The following ELAVL4 variants were observed in gnomAD, a reference collection of about 807,000 sequenced individuals.
The protein encoded by ELAVL4 is ELAV like RNA binding protein 4, also known as ELAV-like protein 4.
Under a neutral mutation model 35.6 loss-of-function variants are expected in ELAVL4, and 1 was observed. The ratio of observed to expected loss-of-function variants is 0.03; its 90% confidence interval spans 0.01 to 0.13. The LOEUF (loss-of-function observed/expected upper bound fraction) is 0.13. Ranked by LOEUF, ELAVL4 falls within the 10% of genes least tolerant of loss-of-function variation. The pLI is 1.00. For missense variants in ELAVL4, 267 were observed against 464.9 expected, an observed-to-expected ratio of 0.57 and a Z score of 3.91; for synonymous variants, 156 against 171.0, an observed-to-expected ratio of 0.91 and a Z score of 0.69.
intron 1 of ELAVL4, among the ~76,000 whole-genome samples, chr1:50,054,861 G>A (rs1663573893): frequency 6.6e-6 from 1 of 152,126 alleles, no homozygotes; most frequent in South Asian, 2.1e-4. Flanking sequence ...CAGCCAATAC[G>A]GAGCACTTAC....
chr1:50,074,971 C>A (rs1664695147), intron 1 of ELAVL4, among the ~76,000 whole-genome samples: 1 of 151,990 alleles, frequency 6.6e-6, no homozygotes, highest in South Asian at 2.1e-4. Context: ...AAAAGACAAA[C>A]ATTTATCTAC....
chr1:50,086,764 C>T (rs1001526528), intron 1 of ELAVL4, among the ~76,000 whole-genome samples: 11 of 152,096 alleles, frequency 7.2e-5, no homozygotes, highest in African/African-American at 2.7e-4. Context: ...CCCGCACCCT[C>T]CACCCCCAGA....
chr1:50,197,334 T>C, intron 5 of ELAVL4, 95 bp from the exon 6 acceptor site: 1 of 1,325,170 alleles, frequency 7.5e-7, no homozygotes, highest in Non-Finnish European at 1.0e-6. Context: ...GTTGAGCTTT[T>C]CTTCTTTGAA....
chr1:50,181,889 G>A (rs1388903609), intron 3 of ELAVL4, among the ~76,000 whole-genome samples: 7 of 152,098 alleles, frequency 4.6e-5, no homozygotes, highest in Non-Finnish European at 2.9e-5. Context: ...CTCCGTGTTG[G>A]TCAGTCTGGT....
intron 1 of ELAVL4, among the ~76,000 whole-genome samples, chr1:50,139,134 G>T (rs1672393507): frequency 6.6e-6 from 1 of 152,156 alleles, no homozygotes; most frequent in Non-Finnish European, 1.5e-5. Flanking sequence ...AAATGGGGAT[G>T]ATATTAGTAC....
chr1:50,158,271 A>G (rs909199092), intron 2 of ELAVL4, among the ~76,000 whole-genome samples: 1 of 152,178 alleles, frequency 6.6e-6, no homozygotes, highest in Non-Finnish European at 1.5e-5. Context: ...TAAGAAAGTA[A>G]CTTATCTAAG....
chr1:50,184,536 T>A (rs1681540536), intron 3 of ELAVL4, among the ~76,000 whole-genome samples: 1 of 152,170 alleles, frequency 6.6e-6, no homozygotes, highest in African/African-American at 2.4e-5. Context: ...CGGCTTCATA[T>A]TTTAAAAGAT....
chr1:50,112,002 C>T (rs1196559317), intron 1 of ELAVL4, among the ~76,000 whole-genome samples: 2 of 152,028 alleles, frequency 1.3e-5, no homozygotes, highest in Non-Finnish European at 2.9e-5. Flanking sequence ...TGCTGAAATA[C>T]ACTAAAAGAT....
chr1:50,120,465 C>A (rs1439335132), intron 1 of ELAVL4, among the ~76,000 whole-genome samples: 1 of 152,010 alleles, frequency 6.6e-6, no homozygotes, highest in Non-Finnish European at 1.5e-5. Context: ...TAGGTAAAAG[C>A]TATGATTTAG....
chr1:50,071,428 C>T (rs1557686292), intron 1 of ELAVL4, among the ~76,000 whole-genome samples: 1 of 152,096 alleles, frequency 6.6e-6, no homozygotes, highest in Admixed American at 6.6e-5. Context: ...TTGAGTCGTG[C>T]ATCTTTTATT....
rs1214980252 is a variant in ELAVL4 at position 50,202,613 on chromosome 1, A to G, written c.*1435A>G. 6.6e-6 allele frequency: 1 copy of G among 152,080 alleles called. No individual in the cohort carries two copies. The highest frequency in any genetic ancestry group is 1.5e-5 in the Non-Finnish European group (1 of 67,990). 9.4% of individuals were successfully genotyped at this position (152,080 alleles called of 1,614,324 possible). On this transcript the variant is annotated 3_prime_UTR_variant, in exon 7 of 7. Coordinates refer to ENST00000371824, the MANE Select transcript of ELAVL4 (RefSeq NM_001144774.3). ...GACTACTTATTTGTTTACTTAAACT[A>G]TGGGAAGAAGCATATTATTGTGTCA...
At chr1:50,102,388 T>A (rs1375617545), upstream of ELAVL4, among the ~76,000 whole-genome samples, 1 of 151,612 alleles carries the variant, frequency 6.6e-6, no homozygotes, top group African/African-American at 2.4e-5. Flanking sequence ...AGAATTCCTG[T>A]TAATTTCGTT....
rs1644448421 is a variant in ELAVL4 at position 50,203,058 on chromosome 1, T to C, written c.*1880T>C. 6.6e-6 allele frequency: 1 copy of C among 152,186 alleles called. No homozygotes were observed. The highest frequency in any genetic ancestry group is 2.4e-5 in the African/African-American group (1 of 41,454). 9.4% of individuals were successfully genotyped at this position (152,186 alleles called of 1,614,324 possible). On this transcript the variant is annotated 3_prime_UTR_variant, in exon 7 of 7. Coordinates refer to ENST00000371824, the MANE Select transcript of ELAVL4 (RefSeq NM_001144774.3). ...AAAACAAAACAAAAAAATACAAGGGTTCATGCTCTTCCCTGGGTAATAGAA... is the reference window on the plus strand; with the variant it reads ...AAAACAAAACAAAAAAATACAAGGGCTCATGCTCTTCCCTGGGTAATAGAA...
chr1:50,157,985 C>G (rs1346843168), intron 2 of ELAVL4, among the ~76,000 whole-genome samples: 1 of 152,162 alleles, frequency 6.6e-6, no homozygotes, highest in African/African-American at 2.4e-5. Context: ...CGGTGCTAGA[C>G]AGGATAGTCT....
intron 1 of ELAVL4, among the ~76,000 whole-genome samples, chr1:50,070,376 C>T (rs1179365625): frequency 6.6e-6 from 1 of 152,162 alleles, no homozygotes; most frequent in East Asian, 1.9e-4. Flanking sequence ...CTATGGGACT[C>T]CCTGCCTCAT....
intron 3 of ELAVL4, among the ~76,000 whole-genome samples, chr1:50,179,060 A>G (rs1680594919): frequency 6.6e-6 from 1 of 151,846 alleles, no homozygotes; most frequent in African/African-American, 2.4e-5. Flanking sequence ...CTAGCCCATC[A>G]TGCCATCAGA....
intron 1 of ELAVL4, among the ~76,000 whole-genome samples, chr1:50,078,732 T>C (rs1420385708): frequency 6.6e-6 from 1 of 152,142 alleles, no homozygotes; most frequent in Non-Finnish European, 1.5e-5. Context: ...AGAGGAAAGG[T>C]GCCTGTGGTG....
intron 1 of ELAVL4, among the ~76,000 whole-genome samples, chr1:50,087,264 TGAG>T (rs1344921189): frequency 1.3e-5 from 2 of 152,200 alleles, no homozygotes; most frequent in Non-Finnish European, 2.9e-5. Context: ...ACCAATATAA[TGAG>T]GAAGCAGAGA....
intron 1 of ELAVL4, among the ~76,000 whole-genome samples, chr1:50,131,219 CTG>C (rs1453724054): frequency 2.0e-5 from 3 of 152,064 alleles, no homozygotes; most frequent in Non-Finnish European, 4.4e-5. Flanking sequence ...AGGGTCTTAT[CTG>C]AGAATTGTAG....
Sources: gnomAD v4.1 joint callset for allele counts (sites outside exome capture counted in the v4.1 genomes callset) on GRCh38, gnomAD v4.1.1 for gene constraint, MANE v1.5 for transcripts, NCBI Gene and HGNC (gene_info 2026-07-23, HGNC 2026-07-21) for gene names.